The following FRAS1 variants were observed in gnomAD, a reference collection of about 807,000 sequenced individuals.
The protein encoded by FRAS1 is extracellular matrix organizing protein FRAS1.
A neutral mutation model predicts 435.2 loss-of-function variants in FRAS1; 290 were observed. The ratio of observed to expected loss-of-function variants is 0.67; its 90% CI spans 0.61 to 0.73. The LOEUF (loss-of-function observed/expected upper bound fraction) is 0.73, where lower values mean the gene tolerates loss of function less well. Among genes scored for constraint, FRAS1 ranks in the 30% least tolerant of loss-of-function variants. The pLI is 0.00. For synonymous variants in FRAS1, 1,800 were observed against 1,851.0 expected, an observed-to-expected ratio of 0.97 and a Z score of 0.71; for missense variants, 4,860 against 5,001.5, an observed-to-expected ratio of 0.97 and a Z score of 0.85.
At chr4:78,367,718 A>G (rs146547942) in intron 22 of FRAS1, among the ~76,000 whole-genome samples, 3 of 152,156 alleles carry the variant, frequency 2.0e-5, no homozygotes, top group Non-Finnish European at 2.9e-5. Context: ...TAGAACATAA[A>G]TGCGGGACTT....
intron 2 of FRAS1, among the ~76,000 whole-genome samples, chr4:78,109,469 T>C (rs1362081786): frequency 6.6e-6 from 1 of 151,828 alleles, no homozygotes; most frequent in Non-Finnish European, 1.5e-5. Flanking sequence ...AAACGTAATC[T>C]AGCATATAAA....
chr4:78,307,200 C>T (rs1728779919), intron 14 of FRAS1, among the ~76,000 whole-genome samples: 1 of 152,216 alleles, frequency 6.6e-6, no homozygotes, highest in East Asian at 1.9e-4. Context: ...CAGGGACCCA[C>T]TTGAGGAGGC....
chr4:78,370,473 C>G (rs72867927), intron 23 of FRAS1, among the ~76,000 whole-genome samples: 3 of 152,092 alleles, frequency 2.0e-5, no homozygotes, highest in Non-Finnish European at 2.9e-5. Flanking sequence ...ACAGTGCAAC[C>G]GTAGGTTGAA....
intron 16 of FRAS1, among the ~76,000 whole-genome samples, chr4:78,316,796 A>G (rs1455394883): frequency 6.6e-6 from 1 of 152,204 alleles, no homozygotes; most frequent in East Asian, 1.9e-4. Context: ...ATTTAGTCCA[A>G]CCTTTCACTG....
At chr4:78,129,437 A>G (rs1719568196) in intron 2 of FRAS1, among the ~76,000 whole-genome samples, 1 of 152,120 alleles carries the variant, frequency 6.6e-6, no homozygotes, top group Non-Finnish European at 1.5e-5. Flanking sequence ...AATTGGGTAT[A>G]TTGTGGTAAA....
At chr4:78,491,114 T>A (rs1720337797) in intron 59 of FRAS1, among the ~76,000 whole-genome samples, 1 of 152,078 alleles carries the variant, frequency 6.6e-6, no homozygotes, top group Admixed American at 6.6e-5. Flanking sequence ...CGGGAAGAAT[T>A]TGAATCCCTG....
At chr4:78,401,353 A>G (rs887724126) in intron 30 of FRAS1, among the ~76,000 whole-genome samples, 5 of 152,204 alleles carry the variant, frequency 3.3e-5, no homozygotes, top group Non-Finnish European at 5.9e-5. Context: ...AAATAAGAAA[A>G]CCTGAGAAAT....
intron 31 of FRAS1, among the ~76,000 whole-genome samples, chr4:78,409,494 A>G (rs1733250666): frequency 6.6e-6 from 1 of 152,234 alleles, no homozygotes; most frequent in African/African-American, 2.4e-5. Flanking sequence ...ACCTAAGGAA[A>G]GCAAAAGGAA....
At chr4:78,400,213 TCTTC>T (rs1344129624) in intron 29 of FRAS1, among the ~76,000 whole-genome samples, 8 of 152,180 alleles carry the variant, frequency 5.3e-5, no homozygotes, top group Non-Finnish European at 1.2e-4. Flanking sequence ...TCTTCCCGAG[TCTTC>T]CTTCCTCTAT....
intron 47 of FRAS1, among the ~76,000 whole-genome samples, chr4:78,454,635 T>C (rs1719131755): frequency 6.6e-6 from 1 of 152,162 alleles, no homozygotes; most frequent in Non-Finnish European, 1.5e-5. Flanking sequence ...TCTCCAAAGA[T>C]GAAAGGGCAG....
At chr4:78,330,246 A>G (rs986254097) in intron 18 of FRAS1, among the ~76,000 whole-genome samples, 21 of 152,198 alleles carry the variant, frequency 1.4e-4, no homozygotes, top group African/African-American at 4.3e-4. Flanking sequence ...CACTTCCCCA[A>G]TCAATACCCT....
intron 47 of FRAS1, among the ~76,000 whole-genome samples, chr4:78,456,143 T>TTTTTTC (rs1358816367): frequency 0.022 from 1,803 of 80,154 alleles, 149 homozygotes; most frequent in African/African-American, 0.16. Flanking sequence ...TGTCACTTTT[T>TTTTTTC]TTTTTTTTTT....
intron 22 of FRAS1, among the ~76,000 whole-genome samples, chr4:78,366,871 G>T (rs1731294576): frequency 6.6e-6 from 1 of 152,102 alleles, no homozygotes; most frequent in African/African-American, 2.4e-5. Flanking sequence ...GAGGGACGTT[G>T]GTACCTACAG....
chr4:78,434,217 A>G (rs914146464), intron 38 of FRAS1, among the ~76,000 whole-genome samples: 1 of 152,226 alleles, frequency 6.6e-6, no homozygotes, highest in Non-Finnish European at 1.5e-5. Flanking sequence ...AGTGTTATTA[A>G]CTGGAAGAGA....
At chr4:78,448,722 A>C (rs1025615458) in intron 44 of FRAS1, among the ~76,000 whole-genome samples, 4 of 152,220 alleles carry the variant, frequency 2.6e-5, no homozygotes, top group African/African-American at 9.6e-5. Context: ...TACAAAATGC[A>C]TGGAGGGTAA....
chr4:78,483,229 T>C (rs1720065304), intron 58 of FRAS1, among the ~76,000 whole-genome samples: 1 of 152,196 alleles, frequency 6.6e-6, no homozygotes, highest in Admixed American at 6.5e-5. Flanking sequence ...TGCTTTTTTA[T>C]TTTAGAAAGC....
intron 12 of FRAS1, among the ~76,000 whole-genome samples, chr4:78,283,282 T>A (rs1473297508): frequency 1.3e-5 from 2 of 152,242 alleles, no homozygotes; most frequent in Non-Finnish European, 2.9e-5. Context: ...TTTGAAGACT[T>A]GTAAAGGTAA....
intron 60 of FRAS1, among the ~76,000 whole-genome samples, chr4:78,498,565 G>T (rs1406977342): frequency 6.6e-6 from 1 of 151,022 alleles, no homozygotes; most frequent in Non-Finnish European, 1.5e-5. Context: ...AGATTTCAAA[G>T]GGCATTCTTA....
chr4:78,272,286 C>T (rs1032607554), intron 9 of FRAS1, among the ~76,000 whole-genome samples: 7 of 152,178 alleles, frequency 4.6e-5, no homozygotes, highest in African/African-American at 1.2e-4. Context: ...ATGGTAGTTA[C>T]TTTTGCTGTG....
Sources: gnomAD v4.1 joint callset for allele counts (sites outside exome capture counted in the v4.1 genomes callset) on GRCh38, gnomAD v4.1.1 for gene constraint, MANE v1.5 for transcripts, NCBI Gene and HGNC (gene_info 2026-07-23, HGNC 2026-07-21) for gene names.